The following TRPC4 variants were observed in gnomAD, a reference collection of about 807,000 sequenced individuals.
The protein encoded by TRPC4 is transient receptor potential cation channel subfamily C member 4.
TRPC4 carries 49 observed loss-of-function variants against 99.4 expected under a neutral mutation model. The observed-to-expected ratio is 0.49, with a 90% CI of 0.39 to 0.63. The LOEUF (loss-of-function observed/expected upper bound fraction) is 0.63, where lower values mean the gene tolerates loss of function less well. Ranked by LOEUF, TRPC4 falls within the 20% of genes least tolerant of loss-of-function variation. The pLI, the probability that TRPC4 is intolerant of heterozygous loss-of-function variation, is 0.00. For synonymous variants in TRPC4, 454 were observed against 425.9 expected (o/e 1.07, Z -0.81); for missense variants, 898 against 1,152.9 (o/e 0.78, Z 3.20).
intron 2 of TRPC4, among the ~76,000 whole-genome samples, chr13:37,755,174 T>C (rs1267903806): frequency 1.3e-5 from 2 of 151,944 alleles, no homozygotes; most frequent in Non-Finnish European, 2.9e-5. Flanking sequence ...TATAAAATAG[T>C]TATATTGAGT....
chr13:37,719,964 G>T (rs1314535704), intron 3 of TRPC4, among the ~76,000 whole-genome samples: 1 of 151,844 alleles, frequency 6.6e-6, no homozygotes, highest in Non-Finnish European at 1.5e-5. Context: ...TATCTAAGTG[G>T]GCTCGGTGTA....
In TRPC4 at chr13:37,858,633, A is replaced by G. The variant is rs562584441; in HGVS notation, c.-28+10962T>C. ...GATCCTGTTACTTACAACAACATGGATGGAACTGGAGGTATTATGTTAAGT... is the reference window on the plus strand; with the variant it reads ...GATCCTGTTACTTACAACAACATGGGTGGAACTGGAGGTATTATGTTAAGT... On this transcript the variant is annotated intron_variant, in intron 1 of 10. Transcript: ENST00000379705. 5.3e-5 allele frequency among the ~76,000 whole-genome samples: 8 copies of G among 151,758 alleles called. No homozygotes were observed. In the East Asian group the frequency reaches 1.5e-3, roughly 29 times the overall value.
chr13:37,726,151 G>A (rs920284740), intron 3 of TRPC4, among the ~76,000 whole-genome samples: 6 of 151,594 alleles, frequency 4.0e-5, no homozygotes, highest in Middle Eastern at 3.4e-3. Context: ...AGCCGAGATC[G>A]TACCACTGCA....
Position 37,813,136 on chromosome 13 carries a change from A to T in TRPC4, c.-27-29776T>A, listed in dbSNP as rs77677648. 3.3e-3 allele frequency among the ~76,000 whole-genome samples: 498 copies of T among 152,062 alleles called. 1 individual carries two copies. Among genetic ancestry groups the T allele is most frequent in the African/African-American group, 0.011 (475 of 41,540 alleles). On this transcript the variant is annotated intron_variant, in intron 1 of 10. Transcript: ENST00000379705. ...GAAAGTCACAAATAGTTAGAAATTA[A>T]ATGATATTCTCTAAAATAATCAATA...
intron 3 of TRPC4, among the ~76,000 whole-genome samples, chr13:37,737,473 CTATTT>C (rs1479270765): frequency 6.6e-6 from 1 of 151,942 alleles, no homozygotes; most frequent in African/African-American, 2.4e-5. Context: ...TTTATTTATT[CTATTT>C]TATTTTATTA....
intron 1 of TRPC4, among the ~76,000 whole-genome samples, chr13:37,812,195 A>AAAAAAAAAAG (rs1957716523): frequency 6.8e-6 from 1 of 146,082 alleles, no homozygotes; most frequent in Non-Finnish European, 1.5e-5. Flanking sequence ...AAAAAAAAAA[A>AAAAAAAAAAG]CCAGGAGATC....
chr13:37,815,144 A>C (rs954991682), intron 1 of TRPC4, among the ~76,000 whole-genome samples: 2 of 151,808 alleles, frequency 1.3e-5, no homozygotes, highest in Non-Finnish European at 2.9e-5. Context: ...ATGAAGTTGG[A>C]CCCAAACTTC....
intron 5 of TRPC4, among the ~76,000 whole-genome samples, chr13:37,668,103 C>T (rs1487692548): frequency 6.6e-6 from 1 of 152,118 alleles, no homozygotes; most frequent in Admixed American, 6.5e-5. Context: ...CTGACAGCTC[C>T]GTGTTGTAAA....
intron 1 of TRPC4, among the ~76,000 whole-genome samples, chr13:37,812,185 A>AAAAAC (rs1555276084): frequency 3.4e-5 from 5 of 146,962 alleles, no homozygotes; most frequent in African/African-American, 5.1e-5. Flanking sequence ...TCAAAAAAAA[A>AAAAAC]AAAAAAAAAA....
intron 5 of TRPC4, among the ~76,000 whole-genome samples, chr13:37,672,173 C>G (rs1952870090): frequency 6.6e-6 from 1 of 152,118 alleles, no homozygotes; most frequent in Admixed American, 6.5e-5. Flanking sequence ...CCACAAATAT[C>G]CATTAATCTA....
intron 1 of TRPC4, among the ~76,000 whole-genome samples, chr13:37,793,225 G>A (rs1040862237): frequency 2.0e-5 from 3 of 152,134 alleles, no homozygotes; most frequent in African/African-American, 7.2e-5. Flanking sequence ...TTTTGATGGA[G>A]AAGAGTAAAA....
chr13:37,813,459 C>A (rs1957758911), intron 1 of TRPC4, among the ~76,000 whole-genome samples: 2 of 151,226 alleles, frequency 1.3e-5, no homozygotes, highest in African/African-American at 4.9e-5. Context: ...TTATTTTAAG[C>A]AATCCATATA....
chr13:37,858,746 G>A (rs1358603592), intron 1 of TRPC4, among the ~76,000 whole-genome samples: 1 of 151,486 alleles, frequency 6.6e-6, no homozygotes. Flanking sequence ...TTGAACACAT[G>A]GAGATAAAGA....
chr13:37,790,836 G>A (rs1339200686), intron 1 of TRPC4, among the ~76,000 whole-genome samples: 1 of 152,018 alleles, frequency 6.6e-6, no homozygotes, highest in East Asian at 1.9e-4. Context: ...CTTTGCTTTA[G>A]TAGGAGTTTG....
chr13:37,771,601 G>C (rs1956551841), intron 2 of TRPC4, among the ~76,000 whole-genome samples: 1 of 150,990 alleles, frequency 6.6e-6, no homozygotes, highest in Non-Finnish European at 1.5e-5. Flanking sequence ...GCTACAGAAA[G>C]AAAGCAGATA....
At chr13:37,830,773 C>A (rs1344481055) in intron 1 of TRPC4, among the ~76,000 whole-genome samples, 2 of 141,372 alleles carry the variant, frequency 1.4e-5, no homozygotes, top group Non-Finnish European at 1.5e-5. Flanking sequence ...GTATAAATAA[C>A]ATTTATATAA....
chr13:37,700,379 CCACTGA>C (rs1259362573), intron 3 of TRPC4, among the ~76,000 whole-genome samples: 1 of 152,092 alleles, frequency 6.6e-6, no homozygotes, highest in Non-Finnish European at 1.5e-5. Flanking sequence ...CTCTAATGAG[CCACTGA>C]CATTTTCCAC....
At position 37,639,061 on chromosome 13, in the gene TRPC4, G is replaced by A. The variant is rs1339707636; in HGVS notation, c.2190C>T (p.Gly730=). 2.5e-6 allele frequency: 4 copies of A among 1,613,524 alleles called. No homozygotes were observed. In the South Asian group the frequency reaches 4.4e-5, roughly 18 times the overall value. ...TTACCTTAAAGTTCTCTTCGGTCAG[G>A]CCTTCTTCAGTTTTAGCATCTCTAA... is the stretch of plus-strand genomic sequence containing the variant. ...AMIRDAKTEE[G]LTEENFKELK... is the part of the protein sequence containing the mutation. The change falls in exon 10 of 11, where the codon GGC becomes GGT. Residue 730 remains glycine, a synonymous_variant. Coordinates refer to ENST00000379705, the MANE Select transcript of TRPC4 (RefSeq NM_016179.4).
At chr13:37,748,038 A>C (rs1328147556) in intron 2 of TRPC4, among the ~76,000 whole-genome samples, 1 of 152,154 alleles carries the variant, frequency 6.6e-6, no homozygotes, top group African/African-American at 2.4e-5. Context: ...GTGAGAATTT[A>C]CGTCCCAGGT....
Sources: allele counts gnomAD v4.1 joint callset (sites outside exome capture counted in the v4.1 genomes callset), GRCh38; gene constraint gnomAD v4.1.1; transcripts MANE v1.5; gene names NCBI Gene and HGNC (gene_info 2026-07-23, HGNC 2026-07-21).